KCNIP4: variants seen among roughly 807,000 people sequenced by gnomAD.
KCNIP4 encodes the protein Kv channel-interacting protein 4.
A neutral mutation model predicts 34.0 loss-of-function variants in KCNIP4; 12 were observed. The ratio of observed to expected loss-of-function variants is 0.35; its 90% CI spans 0.23 to 0.57. KCNIP4 has a LOEUF of 0.57. Ranked by LOEUF, KCNIP4 falls within the 20% of genes least tolerant of loss-of-function variation. The pLI is 0.83. For synonymous variants in KCNIP4, 124 were observed against 102.2 expected (o/e 1.21, Z -1.29); for missense variants, 238 against 311.7 (o/e 0.76, Z 1.78).
At chr4:20,865,069 T>C (rs1264114869) in intron 2 of KCNIP4, among the ~76,000 whole-genome samples, 1 of 152,140 alleles carries the variant, frequency 6.6e-6, no homozygotes, top group African/African-American at 2.4e-5. Flanking sequence ...AGCAATGTGA[T>C]ATTCTGTGTA....
intron 1 of KCNIP4, among the ~76,000 whole-genome samples, chr4:20,902,318 G>C (rs1475094516): frequency 1.3e-5 from 2 of 152,068 alleles, no homozygotes; most frequent in Non-Finnish European, 2.9e-5. Context: ...TCTGTGCAGG[G>C]ATGCTGGAAA....
chr4:21,853,804 G>A (rs1724567256), intron 1 of KCNIP4, among the ~76,000 whole-genome samples: 1 of 152,198 alleles, frequency 6.6e-6, no homozygotes, highest in Admixed American at 6.5e-5. Context: ...TTCAAGGTAA[G>A]AACTAGCTGG....
At chr4:21,819,104 C>T (rs990889674) in intron 1 of KCNIP4, among the ~76,000 whole-genome samples, 1 of 152,134 alleles carries the variant, frequency 6.6e-6, no homozygotes, top group African/African-American at 2.4e-5. Flanking sequence ...AGAGTCTTTC[C>T]AGGAAATTTT....
intron 1 of KCNIP4, among the ~76,000 whole-genome samples, chr4:21,870,400 G>A (rs920237029): frequency 1.3e-5 from 2 of 152,130 alleles, no homozygotes; most frequent in South Asian, 4.1e-4. Flanking sequence ...TGCACAACTA[G>A]ACTCAGGGTC....
At chr4:21,571,503 A>G (rs1740366125) in intron 1 of KCNIP4, among the ~76,000 whole-genome samples, 1 of 152,206 alleles carries the variant, frequency 6.6e-6, no homozygotes, top group African/African-American at 2.4e-5. Context: ...AATGCAATAG[A>G]CAAAACCTCC....
chr4:20,911,569 A>G (rs1728328049), intron 1 of KCNIP4, among the ~76,000 whole-genome samples: 2 of 152,162 alleles, frequency 1.3e-5, no homozygotes, highest in Non-Finnish European at 2.9e-5. Context: ...CCCATTATTC[A>G]TTTTAAAAGA....
At chr4:21,750,674 C>A (rs1386900930) in intron 1 of KCNIP4, among the ~76,000 whole-genome samples, 1 of 152,132 alleles carries the variant, frequency 6.6e-6, no homozygotes, top group African/African-American at 2.4e-5. Context: ...ATTCTAGGCA[C>A]CTGTAAGTTC....
chr4:20,900,060 A>T (rs1325394178), intron 1 of KCNIP4, among the ~76,000 whole-genome samples: 1 of 152,200 alleles, frequency 6.6e-6, no homozygotes, highest in Non-Finnish European at 1.5e-5. Flanking sequence ...CTTGTTAGGC[A>T]TAAAATAATC....
intron 1 of KCNIP4, among the ~76,000 whole-genome samples, chr4:21,459,241 A>G (rs1352367897): frequency 6.6e-6 from 1 of 152,086 alleles, no homozygotes; most frequent in African/African-American, 2.4e-5. Flanking sequence ...CTTTAAAGTC[A>G]TCAACAACTT....
chr4:21,603,846 A>G (rs1241254765), intron 1 of KCNIP4, among the ~76,000 whole-genome samples: 1 of 152,204 alleles, frequency 6.6e-6, no homozygotes, highest in East Asian at 1.9e-4. Flanking sequence ...CTCATGTCTA[A>G]GGATTTGCAC....
intron 2 of KCNIP4, among the ~76,000 whole-genome samples, chr4:20,853,193 A>G (rs1049353755): frequency 8.5e-5 from 13 of 152,248 alleles, no homozygotes; most frequent in African/African-American, 3.1e-4. Context: ...AGCAAGACTA[A>G]GCAAAAAGAA....
At chr4:21,368,675 G>C (rs1367740415) in intron 1 of KCNIP4, among the ~76,000 whole-genome samples, 1 of 147,300 alleles carries the variant, frequency 6.8e-6, no homozygotes, top group African/African-American at 2.7e-5. Flanking sequence ...ATACTACCTA[G>C]ATTTTCCCTA....
At chr4:21,584,488 G>A (rs191700474) in intron 1 of KCNIP4, among the ~76,000 whole-genome samples, 84 of 152,108 alleles carry the variant, frequency 5.5e-4, no homozygotes, top group Middle Eastern at 3.4e-3. Flanking sequence ...TTAGGAAACT[G>A]ACAAGCCAGA....
intron 1 of KCNIP4, among the ~76,000 whole-genome samples, chr4:21,027,914 C>A (rs1385991494): frequency 6.6e-6 from 1 of 152,048 alleles, no homozygotes; most frequent in Non-Finnish European, 1.5e-5. Context: ...CTAGTCTGAA[C>A]CTCTAAAATT....
intron 1 of KCNIP4, among the ~76,000 whole-genome samples, chr4:21,147,261 T>G (rs1340693593): frequency 6.6e-6 from 1 of 152,114 alleles, no homozygotes; most frequent in Admixed American, 6.5e-5. Context: ...CCCCCAAACC[T>G]GGGTTCCAAT....
At chr4:21,797,574 T>C (rs560166476) in intron 1 of KCNIP4, among the ~76,000 whole-genome samples, 2 of 152,356 alleles carry the variant, frequency 1.3e-5, no homozygotes, top group South Asian at 4.1e-4. Context: ...ATTTGAGTTT[T>C]CCACATTTGA....
intron 1 of KCNIP4, among the ~76,000 whole-genome samples, chr4:21,841,223 GTCAAAACAT>G (rs1467376334): frequency 1.3e-5 from 2 of 151,958 alleles, no homozygotes; most frequent in Non-Finnish European, 2.9e-5. Flanking sequence ...CATTCTTAAC[GTCAAAACAT>G]TCTACCATTT....
At chr4:20,861,093 G>T (rs926998946) in intron 2 of KCNIP4, among the ~76,000 whole-genome samples, 6 of 152,122 alleles carry the variant, frequency 3.9e-5, no homozygotes, top group Non-Finnish European at 5.9e-5. Flanking sequence ...GGAATTTGCT[G>T]AAGTCTGCAC....
chr4:21,071,047 C>T (rs1176838489), intron 1 of KCNIP4, among the ~76,000 whole-genome samples: 1 of 151,850 alleles, frequency 6.6e-6, no homozygotes, highest in Non-Finnish European at 1.5e-5. Flanking sequence ...ATATCTTCTC[C>T]CAGTCTGTTG....
Sources: gnomAD v4.1 joint callset for allele counts (sites outside exome capture counted in the v4.1 genomes callset) on GRCh38, gnomAD v4.1.1 for gene constraint, MANE v1.5 for transcripts, NCBI Gene and HGNC (gene_info 2026-07-23, HGNC 2026-07-21) for gene names.